CACNA2D1: variants seen among roughly 807,000 people sequenced by gnomAD.
CACNA2D1 encodes the protein calcium voltage-gated channel auxiliary subunit alpha2delta 1.
Under a neutral mutation model 171.5 loss-of-function variants are expected in CACNA2D1, and 53 were observed. The observed-to-expected ratio is 0.31, with a 90% CI of 0.25 to 0.39. CACNA2D1 has a LOEUF of 0.39. Among genes scored for constraint, CACNA2D1 ranks in the 10% least tolerant of loss-of-function variants. CACNA2D1 has a pLI of 1.00. For synonymous variants in CACNA2D1, 442 were observed against 443.1 expected, an observed-to-expected ratio of 1.00 and a Z score of 0.03; for missense variants, 903 against 1,299.8, an observed-to-expected ratio of 0.69 and a Z score of 4.69.
chr7:82,400,135 T>C (rs2129451670), intron 1 of CACNA2D1, among the ~76,000 whole-genome samples: 1 of 150,788 alleles, frequency 6.6e-6, no homozygotes, highest in Admixed American at 6.6e-5. Context: ...TCAGGTAGTG[T>C]GATGCCTCCA....
chr7:82,049,771 A>T (rs1804984929), intron 10 of CACNA2D1, among the ~76,000 whole-genome samples: 1 of 152,212 alleles, frequency 6.6e-6, no homozygotes, highest in African/African-American at 2.4e-5. Flanking sequence ...AAGAGAATAA[A>T]CTGCAGTCTT....
chr7:82,272,584 A>G (rs1457952707), intron 3 of CACNA2D1, among the ~76,000 whole-genome samples: 1 of 152,132 alleles, frequency 6.6e-6, no homozygotes, highest in Non-Finnish European at 1.5e-5. Flanking sequence ...GGTGTTGTGG[A>G]AAGAAGCCCA....
chr7:82,095,382 C>T (rs115641458), intron 6 of CACNA2D1, among the ~76,000 whole-genome samples: 1 of 151,984 alleles, frequency 6.6e-6, no homozygotes, highest in Admixed American at 6.6e-5. Flanking sequence ...TATGTGTGTG[C>T]CTTCTATTAT....
In CACNA2D1 at chr7:82,116,864, C is replaced by G. The variant is rs576795909; in HGVS notation, c.526+180G>C. Among the ~76,000 whole-genome samples the G allele has an allele frequency of 3.3e-3, 496 of 152,264 alleles. 6 individuals are homozygous for G. The highest frequency in any genetic ancestry group is 0.028 in the South Asian group (136 of 4,826). ...AATATTCGTTTAGTGAGGGTATACT[C>G]ACATAAACTGTTCATGAAAATCAGA... On this transcript the variant is annotated intron_variant, in intron 6 of 38. Coordinates refer to ENST00000356860, the MANE Select transcript of CACNA2D1 (RefSeq NM_000722.4).
chr7:82,295,665 T>C (rs186276835), intron 3 of CACNA2D1, among the ~76,000 whole-genome samples: 15 of 152,094 alleles, frequency 9.9e-5, no homozygotes, highest in Admixed American at 7.2e-4. Context: ...TAGTGATTTA[T>C]AGTGTATAAA....
chr7:81,971,298 T>C (rs1432276970), intron 26 of CACNA2D1, among the ~76,000 whole-genome samples: 1 of 151,618 alleles, frequency 6.6e-6, no homozygotes, highest in African/African-American at 2.4e-5. Context: ...GAAAAATCAG[T>C]TGCTGTGATT....
intron 1 of CACNA2D1, among the ~76,000 whole-genome samples, chr7:82,353,325 G>T (rs534951330): frequency 6.6e-6 from 1 of 152,094 alleles, no homozygotes; most frequent in African/African-American, 2.4e-5. Context: ...TCAGGTAGAG[G>T]ATGATGGGAA....
chr7:81,948,812 T>A lies in CACNA2D1; in HGVS notation c.*1580A>T, dbSNP rs139245799. The A allele has an allele frequency of 2.6e-4, 39 of 152,084 alleles. No homozygotes were observed. Among genetic ancestry groups the A allele is most frequent in the African/African-American group, 8.9e-4 (37 of 41,572 alleles). 9.4% of individuals were successfully genotyped at this position (152,084 alleles called of 1,614,324 possible). A position where few individuals can be genotyped will look rare whatever the true frequency, so the allele number is the denominator to read the frequency against. On this transcript the variant is annotated 3_prime_UTR_variant, in exon 39 of 39. Coordinates refer to ENST00000356860, the MANE Select transcript of CACNA2D1 (RefSeq NM_000722.4). ...GAATTACACATTCATAGTTTTTACC[T>A]TTTCTTCAAATACTGTTTGCTCCAG...
rs1009447365 is a variant in CACNA2D1, at chr7:82,330,207, G to C, written c.294+4928C>G. The stretch of plus-strand genomic sequence containing the variant: ...AAAGCACAAATGAGTGTAAAATAAA[G>C]TTGCAATAAGTAGTTTAGAGTCAAA... On this transcript the variant is annotated intron_variant, in intron 3 of 38. Transcript: ENST00000356860. Among the ~76,000 whole-genome samples, 4 of 152,032 alleles carry C rather than the reference G, an allele frequency of 2.6e-5. 1 individual carries two copies. The highest frequency in any genetic ancestry group is 2.6e-4 in the Admixed American group (4 of 15,252).
At chr7:82,339,710 C>T (rs1161920453) in intron 2 of CACNA2D1, among the ~76,000 whole-genome samples, 1 of 152,144 alleles carries the variant, frequency 6.6e-6, no homozygotes, top group African/African-American at 2.4e-5. Context: ...AGAAGTAGAA[C>T]TGAAGAGACT....
intron 3 of CACNA2D1, among the ~76,000 whole-genome samples, chr7:82,261,968 AT>A (rs1192430825): frequency 1.3e-5 from 2 of 152,144 alleles, no homozygotes; most frequent in Non-Finnish European, 2.9e-5. Flanking sequence ...TGTTGCTATT[AT>A]TTTTTATTAT....
chr7:82,134,261 A>G (rs148304627), intron 5 of CACNA2D1, among the ~76,000 whole-genome samples: 3 of 152,168 alleles, frequency 2.0e-5, no homozygotes, highest in Non-Finnish European at 4.4e-5. Flanking sequence ...TTCTTTATGT[A>G]TAAGTATATA....
chr7:82,432,083 C>T (rs916149276), intron 1 of CACNA2D1, among the ~76,000 whole-genome samples: 1 of 146,498 alleles, frequency 6.8e-6, no homozygotes, highest in Non-Finnish European at 1.5e-5. Context: ...TTAATAGTGC[C>T]TGGCATACAG....
chr7:82,054,642 A>G (rs536420733), intron 10 of CACNA2D1, among the ~76,000 whole-genome samples: 2 of 152,318 alleles, frequency 1.3e-5, no homozygotes, highest in Non-Finnish European at 1.5e-5. Flanking sequence ...GGGAAAATCA[A>G]TCTAAGCAGA....
rs545004535 is a variant in CACNA2D1 at position 82,267,017 on chromosome 7, A to G, written c.294+68118T>C. ...ATTGGACTCTATGCAAAAGTCTCAAAGATTAATCTATCTTAAAATTATATC... is the reference window on the plus strand; with the variant it reads ...ATTGGACTCTATGCAAAAGTCTCAAGGATTAATCTATCTTAAAATTATATC... On this transcript the variant is annotated intron_variant, in intron 3 of 38. Coordinates refer to ENST00000356860, the MANE Select transcript of CACNA2D1 (RefSeq NM_000722.4). 5.3e-5 allele frequency among the ~76,000 whole-genome samples: 8 copies of G among 152,314 alleles called. No individual in the cohort carries two copies. In the South Asian group the frequency reaches 1.7e-3, roughly 32 times the overall value.
chr7:81,969,479 T>C (rs1795044566), intron 28 of CACNA2D1, among the ~76,000 whole-genome samples: 1 of 151,348 alleles, frequency 6.6e-6, no homozygotes, highest in Non-Finnish European at 1.5e-5. Flanking sequence ...CAATAAAATA[T>C]TTTAAAAGAT....
Position 82,066,458 on chromosome 7 carries a change from G to C in CACNA2D1, c.725C>G (p.Pro242Arg), listed in dbSNP as rs1445192659. The change falls in exon 8 of 39, where the codon CCA (proline) becomes CGA (arginine). Residue 242 changes from proline to arginine, a missense_variant. Coordinates refer to ENST00000356860, the MANE Select transcript of CACNA2D1 (RefSeq NM_000722.4). ...ATGGCTAGCTAAAAATTCTTACCATGGTCTTCTGCGTACATCATAAAGGTC... is the reference window on the plus strand; with the variant it reads ...ATGGCTAGCTAAAAATTCTTACCATCGTCTTCTGCGTACATCATAAAGGTC... ...KIDLYDVRRR[P>R]WYIQGAASPK... 1 of 1,608,808 alleles carries C rather than the reference G, an allele frequency of 6.2e-7. No individual in the cohort carries two copies.
intron 1 of CACNA2D1, among the ~76,000 whole-genome samples, chr7:82,387,237 C>A (rs1463709379): frequency 6.6e-6 from 1 of 152,062 alleles, no homozygotes; most frequent in Non-Finnish European, 1.5e-5. Flanking sequence ...ATAGTACTAA[C>A]AAAGGCAGAA....
At chr7:82,119,066 T>G (rs538264827) in intron 5 of CACNA2D1, among the ~76,000 whole-genome samples, 1 of 152,228 alleles carries the variant, frequency 6.6e-6, no homozygotes, top group Non-Finnish European at 1.5e-5. Context: ...AGGACCTGAC[T>G]TTTATGAAAA....
Sources: allele counts gnomAD v4.1 joint callset (sites outside exome capture counted in the v4.1 genomes callset), GRCh38; gene constraint gnomAD v4.1.1; transcripts MANE v1.5; gene names NCBI Gene and HGNC (gene_info 2026-07-23, HGNC 2026-07-21).